LNPEP: variants seen among roughly 807,000 people sequenced by gnomAD.
The protein encoded by LNPEP is leucyl and cystinyl aminopeptidase, also known as leucyl-cystinyl aminopeptidase.
Under a neutral mutation model 120.6 loss-of-function variants are expected in LNPEP, and 64 were observed. That is an observed-to-expected ratio of 0.53 (90% CI 0.43 to 0.65). The LOEUF (loss-of-function observed/expected upper bound fraction) is 0.65, where lower values mean the gene tolerates loss of function less well. Among genes scored for constraint, LNPEP ranks in the 30% least tolerant of loss-of-function variants. The pLI, the probability that LNPEP is intolerant of heterozygous loss-of-function variation, is 0.00. For synonymous variants in LNPEP, 435 were observed against 425.4 expected (o/e 1.02, Z -0.28); for missense variants, 1,057 against 1,200.0 (o/e 0.88, Z 1.76).
intron 2 of LNPEP, among the ~76,000 whole-genome samples, chr5:96,980,240 G>A (rs1297634903): frequency 1.3e-5 from 2 of 152,206 alleles, no homozygotes; most frequent in Middle Eastern, 3.4e-3. Context: ...GTTATCTTGA[G>A]TTTTTCACAT....
Position 97,006,046 on chromosome 5 carries a change from T to TTATATATA in LNPEP, c.1786-15_1786-8dup, listed in dbSNP as rs3839297. 4.0e-3 allele frequency: 2,808 copies of TTATATATA among 702,304 alleles called. 22 individuals are homozygous for TTATATATA. Among genetic ancestry groups the TTATATATA allele is most frequent in the East Asian group, 0.035 (687 of 19,418 alleles). 43.5% of individuals were successfully genotyped at this position (702,304 alleles called of 1,614,324 possible). A position where few individuals can be genotyped will look rare whatever the true frequency, so the allele number is the denominator to read the frequency against. Reference sequence around the variant, plus strand: ...AATTTTTATTTTTAAGGAAAAAGTTTTATATATATATATATATATTTTGTA... The same window carrying TTATATATA: ...AATTTTTATTTTTAAGGAAAAAGTTTTATATATATATATATATATATATATATTTTGTA... On this transcript the variant is annotated intron_variant, in intron 9 of 17. Transcript: ENST00000231368.
intron 1 of LNPEP, among the ~76,000 whole-genome samples, chr5:96,974,799 A>G (rs1425347827): frequency 6.6e-6 from 1 of 152,092 alleles, no homozygotes; most frequent in Non-Finnish European, 1.5e-5. Context: ...TTTCTAAAAT[A>G]TTTAATGCTG....
intron 11 of LNPEP, among the ~76,000 whole-genome samples, chr5:97,008,334 C>CTTTTTTTTTTT (rs1561450377): frequency 2.1e-5 from 1 of 48,676 alleles, no homozygotes; most frequent in African/African-American, 8.2e-5. Flanking sequence ...TTTGTTTTTT[C>CTTTTTTTTTTT]TTGTTTTTTT....
At chr5:97,023,984 G>C (rs1281580438) in intron 14 of LNPEP, among the ~76,000 whole-genome samples, 1 of 152,082 alleles carries the variant, frequency 6.6e-6, no homozygotes, top group Non-Finnish European at 1.5e-5. Flanking sequence ...AGCTTTTGGG[G>C]GTAATTAGTT....
intron 1 of LNPEP, among the ~76,000 whole-genome samples, chr5:96,938,185 T>C (rs1171322170): frequency 2.0e-5 from 3 of 152,224 alleles, no homozygotes; most frequent in African/African-American, 7.2e-5. Context: ...CATGGTACAG[T>C]AGACAGTTAT....
At chr5:96,937,936 A>G (rs957942820) in intron 1 of LNPEP, among the ~76,000 whole-genome samples, 6 of 152,220 alleles carry the variant, frequency 3.9e-5, no homozygotes, top group Admixed American at 2.6e-4. Flanking sequence ...ATTCTTTCCT[A>G]TCTTTCAGAG....
intron 4 of LNPEP, among the ~76,000 whole-genome samples, chr5:96,991,040 T>C (rs1214001788): frequency 6.6e-6 from 1 of 152,166 alleles, no homozygotes; most frequent in Non-Finnish European, 1.5e-5. Flanking sequence ...CAATGTGTAA[T>C]CTTTTATCCC....
At chr5:96,991,912 A>G (rs1790396002) in intron 4 of LNPEP, among the ~76,000 whole-genome samples, 1 of 152,220 alleles carries the variant, frequency 6.6e-6, no homozygotes, top group African/African-American at 2.4e-5. Context: ...GAATTGTTCA[A>G]AAAGTTTCCA....
chr5:96,997,926 A>G lies in LNPEP; in HGVS notation c.1522-88A>G, dbSNP rs1790553905. 1.0e-5 allele frequency: 9 copies of G among 903,302 alleles called. No homozygotes were observed. In the Admixed American group the frequency reaches 1.2e-4, roughly 12 times the overall value. 56.0% of individuals were successfully genotyped at this position (903,302 alleles called of 1,614,324 possible). A position where few individuals can be genotyped will look rare whatever the true frequency, so the allele number is the denominator to read the frequency against. ...TCATTTTTTCCTAATGATATTTCAC[A>G]CTAATTAGTCTAATTCACATAAATA... On this transcript the variant is annotated intron_variant, in intron 7 of 17. Coordinates refer to ENST00000231368, the MANE Select transcript of LNPEP (RefSeq NM_005575.3).
At chr5:96,994,350 A>T (rs960813218) in intron 6 of LNPEP, among the ~76,000 whole-genome samples, 1 of 152,170 alleles carries the variant, frequency 6.6e-6, no homozygotes, top group Non-Finnish European at 1.5e-5. Context: ...CCTCAGTAAT[A>T]CACAGCTGCA....
intron 15 of LNPEP, 53 bp from the exon 16 acceptor site, chr5:97,026,561 GTCA>G (rs1365949327): frequency 1.4e-6 from 2 of 1,413,392 alleles, no homozygotes; most frequent in Admixed American, 3.7e-5. Flanking sequence ...TTTAAGTTCA[GTCA>G]TCACTTCTTC....
At chr5:96,962,532 A>C (rs1789628777) in intron 1 of LNPEP, 1 of 152,222 alleles carries the variant, frequency 6.6e-6, no homozygotes, top group African/African-American at 2.4e-5. Flanking sequence ...CCATCTTATA[A>C]ATGAGCAAAC....
intron 1 of LNPEP, among the ~76,000 whole-genome samples, chr5:96,941,493 A>G (rs1789055871): frequency 6.6e-6 from 1 of 152,116 alleles, no homozygotes; most frequent in African/African-American, 2.4e-5. Context: ...TATTTTTTTA[A>G]TTTGAATCCG....
At chr5:96,969,793 A>T (rs1190677376) in intron 1 of LNPEP, among the ~76,000 whole-genome samples, 1 of 150,158 alleles carries the variant, frequency 6.7e-6, no homozygotes, top group Non-Finnish European at 1.5e-5. Flanking sequence ...ATTCTTTTCT[A>T]GGTTCTTAGG....
intron 1 of LNPEP, among the ~76,000 whole-genome samples, chr5:96,945,311 G>A (rs1206600826): frequency 6.6e-6 from 1 of 151,402 alleles, no homozygotes; most frequent in Non-Finnish European, 1.5e-5. Context: ...TTGAGAGGCT[G>A]AGGTGAAAGG....
At chr5:97,007,730 C>A (rs1428601911) in intron 11 of LNPEP, among the ~76,000 whole-genome samples, 1 of 152,006 alleles carries the variant, frequency 6.6e-6, no homozygotes, top group African/African-American at 2.4e-5. Context: ...ATTGACTTAA[C>A]CTACTTGATT....
rs780357174 is a variant in LNPEP at position 97,003,408 on chromosome 5, T to C, written c.1654-7T>C. 3 of 1,488,426 alleles carry C rather than the reference T, an allele frequency of 2.0e-6. No homozygotes were observed. In the East Asian group the frequency reaches 6.8e-5, roughly 34 times the overall value. 92.2% of individuals were successfully genotyped at this position (1,488,426 alleles called of 1,614,324 possible). On this transcript the variant is annotated splice_polypyrimidine_tract_variant and splice_region_variant and intron_variant, in intron 8 of 17. Coordinates refer to ENST00000231368, the MANE Select transcript of LNPEP (RefSeq NM_005575.3). ...TCTTTCTTTTTCCTCACTTTTTTTT[T>C]TAATAGGGATCTTCTCTCTTGTTGA...
intron 1 of LNPEP, among the ~76,000 whole-genome samples, chr5:96,961,818 T>A (rs567658952): frequency 6.6e-6 from 1 of 152,272 alleles, no homozygotes; most frequent in South Asian, 2.1e-4. Context: ...TTTTTTCAAT[T>A]TTTTTAAATC....
At chr5:97,026,497 A>T in intron 15 of LNPEP, 120 bp from the exon 16 acceptor site, 1 of 715,760 alleles carries the variant, frequency 1.4e-6, no homozygotes, top group Admixed American at 2.8e-5. Context: ...CTAATGCAAC[A>T]GTTATTTCTC....
Sources: gnomAD v4.1 joint callset for allele counts (sites outside exome capture counted in the v4.1 genomes callset) on GRCh38, gnomAD v4.1.1 for gene constraint, MANE v1.5 for transcripts, NCBI Gene and HGNC (gene_info 2026-07-23, HGNC 2026-07-21) for gene names.